The following LRIF1 variants were observed in gnomAD, a reference collection of about 807,000 sequenced individuals.
LRIF1 encodes the protein ligand dependent nuclear receptor interacting factor 1.
In LRIF1, 32 loss-of-function variants were observed where a neutral mutation model predicts 52.7. That is an observed-to-expected ratio of 0.61 (90% CI 0.46 to 0.82). LRIF1 has a LOEUF of 0.82. LRIF1 is among the 40% of genes least tolerant of loss of function. The probability of loss-of-function intolerance (pLI) is 0.00; values close to 1 mark genes in which losing one functional copy is unlikely to be tolerated. For synonymous variants in LRIF1, 323 were observed against 317.4 expected, an observed-to-expected ratio of 1.02 and a Z score of -0.19; for missense variants, 887 against 892.0, an observed-to-expected ratio of 0.99 and a Z score of 0.07.
the LRIF1 span, among the ~76,000 whole-genome samples, chr1:110,913,460 G>A: frequency 6.6e-6 from 1 of 152,076 alleles, no homozygotes; most frequent in Admixed American, 6.5e-5. Flanking sequence ...TTAACAAGGA[G>A]AAAACAACCC....
chr1:110,902,495 T>TAAAAAAAAAAAAAAAAAAAAAA, the LRIF1 span, among the ~76,000 whole-genome samples: 4 of 72,664 alleles, frequency 5.5e-5, no homozygotes, highest in Non-Finnish European at 7.4e-5. Flanking sequence ...AATCAATCAC[T>TAAAAAAAAAAAAAAAAAAAAAA]AAAAAAAAAA....
chr1:110,898,968 A>T, the LRIF1 span, among the ~76,000 whole-genome samples: 1 of 152,204 alleles, frequency 6.6e-6, no homozygotes, highest in African/African-American at 2.4e-5. Context: ...TTCTTTAACC[A>T]AAGGAAAGAG....
chr1:110,890,743 C>T, the LRIF1 span, among the ~76,000 whole-genome samples: 3 of 152,220 alleles, frequency 2.0e-5, no homozygotes, highest in Non-Finnish European at 2.9e-5. Context: ...TCTCTTTTTA[C>T]TTCCCCATTG....
the LRIF1 span, chr1:110,941,570 A>T: frequency 6.6e-6 from 1 of 152,050 alleles, no homozygotes; most frequent in Non-Finnish European, 1.5e-5. Context: ...TTAGCCTTTT[A>T]TTGCCCAGAA....
chr1:110,887,436 G>A, the LRIF1 span, among the ~76,000 whole-genome samples: 4 of 152,032 alleles, frequency 2.6e-5, no homozygotes, highest in African/African-American at 4.8e-5. Flanking sequence ...TTCATCTATC[G>A]CCATATTATA....
the LRIF1 span, among the ~76,000 whole-genome samples, chr1:110,926,843 G>C: frequency 1.3e-5 from 2 of 152,154 alleles, no homozygotes; most frequent in South Asian, 2.1e-4. Flanking sequence ...GAATAAATAG[G>C]GTATCTGCGA....
chr1:110,910,157 A>G, the LRIF1 span, among the ~76,000 whole-genome samples: 1 of 152,112 alleles, frequency 6.6e-6, no homozygotes, highest in Non-Finnish European at 1.5e-5. Flanking sequence ...CTAGAATCTA[A>G]ACTTGACACT....
the LRIF1 span, among the ~76,000 whole-genome samples, chr1:110,898,570 G>A: frequency 4.5e-4 from 68 of 152,144 alleles, no homozygotes; most frequent in Middle Eastern, 3.4e-3. Context: ...TTAAGGGGCT[G>A]ATGACGAAAA....
chr1:110,963,508 T>C (rs1570953629), intron 1 of LRIF1, 113 bp downstream of exon 1: 2 of 812,888 alleles, frequency 2.5e-6, no homozygotes, highest in African/African-American at 3.4e-5. Flanking sequence ...GGTGGCGCAC[T>C]CTGCGGGCTC....
the LRIF1 span, among the ~76,000 whole-genome samples, chr1:110,909,951 G>A: frequency 6.6e-6 from 1 of 151,998 alleles, no homozygotes; most frequent in Non-Finnish European, 1.5e-5. Context: ...ATTATATAAT[G>A]ATAAAGGGTT....
chr1:110,936,642 A>G, the LRIF1 span: 1 of 152,102 alleles, frequency 6.6e-6, no homozygotes, highest in African/African-American at 2.4e-5. Context: ...ATATCACCAG[A>G]AAAAACTACC....
At chr1:110,962,059 G>GGTAC in intron 1 of LRIF1, among the ~76,000 whole-genome samples, 1 of 67,550 alleles carries the variant, frequency 1.5e-5, no homozygotes, top group East Asian at 4.2e-4. Flanking sequence ...CAGAGTTAAG[G>GGTAC]GTACACACAC....
At position 110,952,438 on chromosome 1, in the gene LRIF1, G is replaced by A. The variant is rs547222087; in HGVS notation, c.446C>T (p.Thr149Ile). Residue 149 changes from threonine to isoleucine, a missense_variant, in exon 2 of 4, where the codon ACA becomes ATA. Physicochemically the swap from Thr to Ile is moderately conservative, Grantham distance 89. Coordinates refer to ENST00000369763, the MANE Select transcript of LRIF1 (RefSeq NM_018372.4). ...GVKIDGLTMQ[T>I]FAVPPSTQKD... is the part of the protein sequence containing the mutation. Reference sequence around the variant, plus strand: ...TTGTGTTGAGGGAGGAACAGCAAATGTTTGCATGGTGAGTCCATCAATTTT... The same window carrying A: ...TTGTGTTGAGGGAGGAACAGCAAATATTTGCATGGTGAGTCCATCAATTTT... The A allele has an allele frequency of 3.7e-6, 6 of 1,611,766 alleles. No homozygotes were observed. The Admixed American group carries it at 5.0e-5, about 13-fold the overall frequency.
downstream of LRIF1, chr1:110,947,130 TC>T (rs1163616991): frequency 6.6e-6 from 1 of 152,160 alleles, no homozygotes; most frequent in African/African-American, 2.4e-5. Flanking sequence ...CATCTCTTAA[TC>T]CCTATCCCTA....
chr1:110,941,734 A>G, the LRIF1 span: 199 of 151,844 alleles, frequency 1.3e-3, 1 homozygote, highest in African/African-American at 4.7e-3. Context: ...TTTATTTGGG[A>G]TTATGTGAAG....
the LRIF1 span, among the ~76,000 whole-genome samples, chr1:110,896,200 G>A: frequency 6.6e-6 from 1 of 152,180 alleles, no homozygotes; most frequent in African/African-American, 2.4e-5. Context: ...TGGTATCAGG[G>A]AGTCTCTGTC....
the LRIF1 span, among the ~76,000 whole-genome samples, chr1:110,933,045 G>T: frequency 6.6e-6 from 1 of 152,082 alleles, no homozygotes; most frequent in African/African-American, 2.4e-5. Flanking sequence ...TTATTTTATT[G>T]TTCAAATTAT....
At chr1:110,959,645 G>A (rs538382378) in intron 1 of LRIF1, among the ~76,000 whole-genome samples, 3 of 151,002 alleles carry the variant, frequency 2.0e-5, no homozygotes, top group South Asian at 2.1e-4. Flanking sequence ...AGCTACTTGG[G>A]AGGCTGAGGC....
At position 110,947,442 on chromosome 1, in the gene LRIF1, C is replaced by T. The variant is rs1658244863; in HGVS notation, c.*517G>A. The T allele has an allele frequency of 6.6e-6, 1 of 151,878 alleles. No individual in the cohort carries two copies. The highest frequency in any genetic ancestry group is 6.6e-5 in the Admixed American group (1 of 15,254). The allele number at this position is 151,878 out of a possible 1,614,324, so 9.4% of individuals were successfully genotyped here. The stretch of plus-strand genomic sequence containing the variant: ...TGTTTGAATGTTTAAATAATGTTGC[C>T]ATAATACATATTATTTCACGACATT... On this transcript the variant is annotated 3_prime_UTR_variant, in exon 4 of 4. Transcript: ENST00000369763.
Sources: allele counts gnomAD v4.1 joint callset (sites outside exome capture counted in the v4.1 genomes callset), GRCh38; gene constraint gnomAD v4.1.1; transcripts MANE v1.5; gene names NCBI Gene and HGNC (gene_info 2026-07-23, HGNC 2026-07-21).